Variants in ATRNL1 observed in about 807,000 individuals in gnomAD.
ATRNL1 encodes attractin-like protein 1.
Under a neutral mutation model 182.7 loss-of-function variants are expected in ATRNL1, and 95 were observed. The observed-to-expected ratio is 0.52, with a 90% CI of 0.44 to 0.62. The LOEUF (loss-of-function observed/expected upper bound fraction) is 0.62, where lower values mean the gene tolerates loss of function less well. Ranked by LOEUF, ATRNL1 falls within the 20% of genes least tolerant of loss-of-function variation. The probability of loss-of-function intolerance (pLI) is 0.00; values close to 1 mark genes in which losing one functional copy is unlikely to be tolerated. For synonymous variants in ATRNL1, 576 were observed against 568.3 expected (o/e 1.01, Z -0.19); for missense variants, 1,471 against 1,679.5 (o/e 0.88, Z 2.17).
At position 115,554,146 on chromosome 10, in the gene ATRNL1, C is replaced by G. The variant is rs139760776; in HGVS notation, c.3795+4610C>G. Among the ~76,000 whole-genome samples, 255 of 151,572 alleles carry G rather than the reference C, an allele frequency of 1.7e-3. 10 individuals carry two copies. In the East Asian group the frequency reaches 0.045, roughly 27 times the overall value. ...GATAAAGCTTTCCATTAAACACATG[C>G]TTTTTAAAACTCGTTAGTAAATATT... On this transcript the variant is annotated intron_variant, in intron 26 of 28. Coordinates refer to ENST00000355044, the MANE Select transcript of ATRNL1 (RefSeq NM_207303.4).
chr10:115,320,164 C>A (rs1351039504), intron 18 of ATRNL1, among the ~76,000 whole-genome samples: 1 of 151,892 alleles, frequency 6.6e-6, no homozygotes, highest in African/African-American at 2.4e-5. Flanking sequence ...CTTAGTTTGG[C>A]TGGATATGAA....
chr10:115,424,139 A>G (rs1554962436), intron 20 of ATRNL1, among the ~76,000 whole-genome samples: 1 of 152,202 alleles, frequency 6.6e-6, no homozygotes, highest in African/African-American at 2.4e-5. Flanking sequence ...ACATTTCTCA[A>G]AAGAAGACAT....
At chr10:115,676,079 A>C (rs1565274762) in intron 26 of ATRNL1, among the ~76,000 whole-genome samples, 1 of 152,088 alleles carries the variant, frequency 6.6e-6, no homozygotes, top group Non-Finnish European at 1.5e-5. Context: ...CTATTAAACA[A>C]TAACAAAAAG....
intron 1 of ATRNL1, among the ~76,000 whole-genome samples, chr10:115,099,141 A>C (rs549662511): frequency 6.6e-6 from 1 of 152,244 alleles, no homozygotes; most frequent in South Asian, 2.1e-4. Context: ...TTCTCTCACT[A>C]TAGATTTGTT....
At chr10:115,695,269 G>A (rs921479607) in intron 26 of ATRNL1, among the ~76,000 whole-genome samples, 1 of 152,114 alleles carries the variant, frequency 6.6e-6, no homozygotes, top group South Asian at 2.1e-4. Context: ...TCATCAGTCA[G>A]GTCCAAATTC....
chr10:115,681,177 A>G (rs1285383360), intron 26 of ATRNL1, among the ~76,000 whole-genome samples: 1 of 152,184 alleles, frequency 6.6e-6, no homozygotes, highest in Non-Finnish European at 1.5e-5. Flanking sequence ...GATTTAAAAT[A>G]TAACTTTGAA....
intron 26 of ATRNL1, among the ~76,000 whole-genome samples, chr10:115,550,670 T>A (rs1179292604): frequency 2.6e-5 from 4 of 151,864 alleles, no homozygotes; most frequent in African/African-American, 9.7e-5. Flanking sequence ...AAAAAGAGCT[T>A]ATTAAATATA....
At chr10:115,283,528 C>T (rs1361563551) in intron 14 of ATRNL1, among the ~76,000 whole-genome samples, 3 of 152,124 alleles carry the variant, frequency 2.0e-5, no homozygotes, top group Non-Finnish European at 4.4e-5. Context: ...TGCATGTGTG[C>T]TCATTTTGAG....
At position 115,127,625 on chromosome 10, in the gene ATRNL1, A is replaced by T; in HGVS notation, c.524A>T (p.Glu175Val). 4 of 1,609,242 alleles carry T rather than the reference A, an allele frequency of 2.5e-6. No homozygotes were observed. The highest frequency in any genetic ancestry group is 3.4e-6 in the Non-Finnish European group (4 of 1,177,776). Residue 175 changes from glutamate (E) to valine (V), a missense_variant, in exon 4 of 29, where the codon GAA becomes GTA. Transcript: ENST00000355044. ...GLIVPEIRGN[E>V]TVPEVVTTSG... ...ATAGTCCCTGAAATAAGGGGCAATGAAACTGTGCCTGAAGTTGTTACTACA... is the reference window on the plus strand; with the variant it reads ...ATAGTCCCTGAAATAAGGGGCAATGTAACTGTGCCTGAAGTTGTTACTACA...
intron 26 of ATRNL1, among the ~76,000 whole-genome samples, chr10:115,602,875 A>G (rs1856683466): frequency 6.8e-6 from 1 of 148,050 alleles, no homozygotes; most frequent in African/African-American, 2.5e-5. Flanking sequence ...AAACATTGCA[A>G]TCACAAGTCC....
chr10:115,880,416 G>A (rs1951800277), intron 28 of ATRNL1, among the ~76,000 whole-genome samples: 1 of 152,202 alleles, frequency 6.6e-6, no homozygotes, highest in African/African-American at 2.4e-5. Context: ...CTGGGGTCAG[G>A]AGTTCGAGAC....
At position 115,462,032 on chromosome 10, in the gene ATRNL1, A is replaced by G. The variant is rs1554969779; in HGVS notation, c.3414A>G (p.Glu1138=). The G allele has an allele frequency of 6.3e-7, 1 of 1,597,046 alleles. No individual in the cohort carries two copies. Among genetic ancestry groups the G allele is most frequent in the Admixed American group, 1.7e-5 (1 of 57,778 alleles). Residue 1138 remains glutamate (E), a synonymous_variant, in exon 22 of 29, where the codon GAA becomes GAG. Transcript: ENST00000355044. ...CCATAAACTTTATAGCAAACCCAGA[A>G]CAGGTGAGGAAAAATTGTTATCTTT... ...HTAINFIANP[E]QSNKNLDISI... is the part of the protein sequence containing the mutation.
chr10:115,434,114 A>G (rs1262657222), intron 21 of ATRNL1, among the ~76,000 whole-genome samples: 1 of 152,174 alleles, frequency 6.6e-6, no homozygotes, highest in Non-Finnish European at 1.5e-5. Context: ...CTGCCTTCTA[A>G]ATAAATCTCT....
chr10:115,315,665 G>A lies in ATRNL1; in HGVS notation c.2966G>A (p.Ser989Asn), dbSNP rs1953758. The A allele has an allele frequency of 0.97, 1,562,810 of 1,613,860 alleles. 756,866 individuals are homozygous for A. The highest frequency in any genetic ancestry group is 1 in the East Asian group (44,790 of 44,852). ...ATGAAGCTTATTGGAATGCACCACA[G>A]TGAGATGGTTCTTGACACCAATCTT... ...GPMKLIGMHH[S>N]EMVLDTNLCP... The change falls in exon 18 of 29, where the codon AGT becomes AAT. Residue 989 changes from serine to asparagine, a missense_variant. Coordinates refer to ENST00000355044, the MANE Select transcript of ATRNL1 (RefSeq NM_207303.4).
At chr10:115,781,003 T>A (rs1949252636) in intron 27 of ATRNL1, among the ~76,000 whole-genome samples, 1 of 152,196 alleles carries the variant, frequency 6.6e-6, no homozygotes, top group Non-Finnish European at 1.5e-5. Flanking sequence ...TCCAAATCAA[T>A]TTTTAAAAGG....
chr10:115,790,946 T>G (rs545036259), intron 27 of ATRNL1, among the ~76,000 whole-genome samples: 4 of 152,348 alleles, frequency 2.6e-5, no homozygotes, highest in Admixed American at 2.0e-4. Context: ...GTGCAGTTCC[T>G]ATATGATTTA....
At chr10:115,133,243 G>A (rs535527802) in intron 5 of ATRNL1, among the ~76,000 whole-genome samples, 6 of 152,110 alleles carry the variant, frequency 3.9e-5, no homozygotes, top group Admixed American at 1.3e-4. Context: ...GGTGGTTGTA[G>A]ATGTGTGGTA....
intron 21 of ATRNL1, among the ~76,000 whole-genome samples, chr10:115,427,964 A>G (rs1565032338): frequency 6.6e-6 from 1 of 151,568 alleles, no homozygotes; most frequent in Admixed American, 6.6e-5. Flanking sequence ...AAAAATTGCT[A>G]TAATTTGTTT....
At chr10:115,462,079 A>C (rs1554969807) in intron 22 of ATRNL1, 44 bp downstream of exon 22, 2 of 1,430,126 alleles carry the variant, frequency 1.4e-6, no homozygotes, top group South Asian at 2.5e-5. Context: ...TATTGGACAC[A>C]ATTTTTTTTT....
Sources: allele counts gnomAD v4.1 joint callset (sites outside exome capture counted in the v4.1 genomes callset), GRCh38; gene constraint gnomAD v4.1.1; transcripts MANE v1.5; gene names NCBI Gene and HGNC (gene_info 2026-07-23, HGNC 2026-07-21).